Variants in PCBP3 observed in about 807,000 individuals in gnomAD.
The protein encoded by PCBP3 is poly(rC)-binding protein 3.
Under a neutral mutation model 52.7 loss-of-function variants are expected in PCBP3, and 25 were observed. That is an observed-to-expected ratio of 0.47 (90% CI 0.35 to 0.66). The LOEUF (loss-of-function observed/expected upper bound fraction) is 0.66. Ranked by LOEUF, PCBP3 falls within the 30% of genes least tolerant of loss-of-function variation. The probability of loss-of-function intolerance (pLI) is 0.01; values close to 1 mark genes in which losing one functional copy is unlikely to be tolerated. For missense variants in PCBP3, 391 were observed against 490.3 expected, an observed-to-expected ratio of 0.80 and a Z score of 1.91; for synonymous variants, 162 against 183.0, an observed-to-expected ratio of 0.89 and a Z score of 0.93.
At chr21:45,649,764 G>T (rs577024386) in intron 1 of PCBP3, among the ~76,000 whole-genome samples, 122 of 151,984 alleles carry the variant, frequency 8.0e-4, no homozygotes, top group African/African-American at 2.8e-3. Flanking sequence ...TAAAAGAAAT[G>T]CTGTGAAAGA....
chr21:45,908,287 A>C (rs78689942), intron 9 of PCBP3, among the ~76,000 whole-genome samples: 2 of 152,146 alleles, frequency 1.3e-5, no homozygotes, highest in Non-Finnish European at 2.9e-5. Flanking sequence ...GTGGGAATTT[A>C]GTGTCCGTGC....
chr21:45,681,814 A>C (rs1476011241), intron 2 of PCBP3, among the ~76,000 whole-genome samples: 3 of 152,180 alleles, frequency 2.0e-5, no homozygotes, highest in Non-Finnish European at 2.9e-5. Context: ...GGAAAATATG[A>C]TAACCAAAAT....
At chr21:45,841,491 G>A (rs1370112387) in intron 4 of PCBP3, among the ~76,000 whole-genome samples, 2 of 151,794 alleles carry the variant, frequency 1.3e-5, no homozygotes, top group Admixed American at 1.3e-4. Context: ...CTTCTGAGAT[G>A]TTCTAATACT....
chr21:45,783,902 T>C lies in PCBP3; in HGVS notation c.-126+28450T>C, dbSNP rs374860550. Among the ~76,000 whole-genome samples, 15 of 152,314 alleles carry C rather than the reference T, an allele frequency of 9.8e-5. No individual in the cohort carries two copies. In the East Asian group the frequency reaches 2.3e-3, roughly 24 times the overall value. ...CTGGACCAGGCCGTGAGCAGGACTT[T>C]CACACACACAAAGCACGGAATTCAG... is the stretch of plus-strand genomic sequence containing the variant. On this transcript the variant is annotated intron_variant, in intron 4 of 17. Transcript: ENST00000681687.
chr21:45,818,133 C>T (rs2093022352), intron 4 of PCBP3, among the ~76,000 whole-genome samples: 1 of 152,132 alleles, frequency 6.6e-6, no homozygotes, highest in Admixed American at 6.5e-5. Flanking sequence ...CACCATTCTC[C>T]TGCCTCAGCC....
intron 5 of PCBP3, among the ~76,000 whole-genome samples, chr21:45,892,678 G>A (rs1046289673): frequency 1.3e-5 from 2 of 152,184 alleles, no homozygotes; most frequent in African/African-American, 4.8e-5. Flanking sequence ...CCAAGGCTGT[G>A]GCTAAATTGG....
chr21:45,734,893 G>C (rs1405953351), intron 2 of PCBP3, among the ~76,000 whole-genome samples: 3 of 152,238 alleles, frequency 2.0e-5, no homozygotes, highest in Admixed American at 2.0e-4. Context: ...GAGGCCGGCT[G>C]TCTGTCTGTA....
intron 5 of PCBP3, among the ~76,000 whole-genome samples, chr21:45,867,046 A>C (rs1344736203): frequency 1.3e-5 from 2 of 152,232 alleles, no homozygotes; most frequent in African/African-American, 4.8e-5. Context: ...AGTGAAAGAC[A>C]TCGGTCATTG....
chr21:45,695,165 C>G (rs148332830), intron 2 of PCBP3, among the ~76,000 whole-genome samples: 28 of 152,330 alleles, frequency 1.8e-4, no homozygotes, highest in African/African-American at 6.3e-4. Context: ...TGCCAGTTAT[C>G]TGTTATTACC....
intron 2 of PCBP3, among the ~76,000 whole-genome samples, chr21:45,706,529 TTCTC>T (rs1282593039): frequency 6.6e-6 from 1 of 152,024 alleles, no homozygotes; most frequent in African/African-American, 2.4e-5. Context: ...CTATCTCTAT[TTCTC>T]TCTCTCCCTC....
At chr21:45,671,040 G>A (rs1255017598) in intron 2 of PCBP3, among the ~76,000 whole-genome samples, 1 of 152,146 alleles carries the variant, frequency 6.6e-6, no homozygotes, top group Non-Finnish European at 1.5e-5. Context: ...AAAGTGACGA[G>A]GACCATGATC....
rs2086468102 is a variant in PCBP3 at position 45,741,724 on chromosome 21, A to G, written c.-162+6295A>G. On this transcript the variant is annotated intron_variant, in intron 3 of 17. Transcript: ENST00000681687. This position sits in a 1 kb window ranked among gnomAD's most constrained non-coding sequence, Gnocchi z 4.5. ...ATATTATTTTATAAAAAATTGATGA[A>G]CCTCAGGCCCTGAGCTCCCTTGCTT... 6.6e-6 allele frequency among the ~76,000 whole-genome samples: 1 copy of G among 152,140 alleles called. No individual in the cohort carries two copies.
At chr21:45,694,618 T>C (rs896437801) in intron 2 of PCBP3, among the ~76,000 whole-genome samples, 11 of 152,302 alleles carry the variant, frequency 7.2e-5, no homozygotes, top group African/African-American at 2.2e-4. Context: ...ACAATCATAG[T>C]TGAAAACTTT....
At chr21:45,696,374 G>A (rs1029508514) in intron 2 of PCBP3, among the ~76,000 whole-genome samples, 1 of 152,006 alleles carries the variant, frequency 6.6e-6, no homozygotes, top group Non-Finnish European at 1.5e-5. Flanking sequence ...TTTATCAGAA[G>A]ACCATTAAGT....
chr21:45,691,386 A>T (rs1030837285), intron 2 of PCBP3, among the ~76,000 whole-genome samples: 2 of 141,656 alleles, frequency 1.4e-5, no homozygotes, highest in African/African-American at 5.4e-5. Context: ...GGGGGTAGTT[A>T]TATATATATA....
Position 45,900,727 on chromosome 21 carries a change from C to T in PCBP3, c.222+104C>T, listed in dbSNP as rs926207981. 1.3e-5 allele frequency: 13 copies of T among 976,694 alleles called. 1 individual carries two copies. The highest frequency in any genetic ancestry group is 8.2e-5 in the South Asian group (6 of 73,510). The allele number at this position is 976,694 out of a possible 1,614,324, so 60.5% of individuals were successfully genotyped here. ...CGTCCTGCCTGTGCTCTTGGCCAGC[C>T]GGGGTGTGTGGGGAGTGCAGTGCGG... On this transcript the variant is annotated intron_variant, in intron 8 of 17. Transcript: ENST00000681687.
chr21:45,861,517 G>A (rs546046612), intron 5 of PCBP3, among the ~76,000 whole-genome samples: 34 of 152,128 alleles, frequency 2.2e-4, no homozygotes, highest in African/African-American at 4.3e-4. Context: ...CTCCCCATCC[G>A]TAACAGGAAC....
chr21:45,712,737 C>T (rs988932064), intron 2 of PCBP3, among the ~76,000 whole-genome samples: 2 of 151,150 alleles, frequency 1.3e-5, no homozygotes, highest in African/African-American at 4.9e-5. Flanking sequence ...GGGCCTCACT[C>T]TGTCACCCAG....
At chr21:45,935,635 A>G in intron 16 of PCBP3, 1 of 437,382 alleles carries the variant, frequency 2.3e-6, no homozygotes, top group Non-Finnish European at 4.4e-6. Context: ...ACCTTGAAGA[A>G]CAAGGTGGCC....
Sources: gnomAD v4.1 joint callset for allele counts (sites outside exome capture counted in the v4.1 genomes callset) on GRCh38, gnomAD v4.1.1 for gene constraint, Gnocchi (gnomAD v3.1) non-coding constraint, MANE v1.5 for transcripts, NCBI Gene and HGNC (gene_info 2026-07-23, HGNC 2026-07-21) for gene names.